FGGY: variants seen among roughly 807,000 people sequenced by gnomAD.
FGGY encodes the protein FGGY carbohydrate kinase domain-containing protein.
FGGY carries 72 observed loss-of-function variants against 71.3 expected under a neutral mutation model. The observed-to-expected ratio is 1.01, with a 90% confidence interval of 0.84 to 1.23. FGGY has a LOEUF of 1.23. Ranked by LOEUF, FGGY falls within the 50% of genes most tolerant of loss-of-function variation. FGGY has a pLI of 0.00. For missense variants in FGGY, 668 were observed against 682.3 expected (o/e 0.98, Z 0.23); for synonymous variants, 251 against 250.3 (o/e 1.00, Z -0.02).
intron 7 of FGGY, among the ~76,000 whole-genome samples, chr1:59,533,296 G>A (rs545850989): frequency 3.9e-5 from 6 of 152,170 alleles, no homozygotes; most frequent in African/African-American, 1.4e-4. Context: ...CTTTTCCGAC[G>A]GGCTTAAAAA....
chr1:59,762,288 G>C (rs1310022012), intron 15 of FGGY, among the ~76,000 whole-genome samples: 1 of 152,052 alleles, frequency 6.6e-6, no homozygotes, highest in African/African-American at 2.4e-5. Flanking sequence ...GGGTTTAAAT[G>C]TTCTTATTTC....
intron 14 of FGGY, among the ~76,000 whole-genome samples, chr1:59,695,644 T>TACATGTAG (rs2097651016): frequency 1.3e-5 from 2 of 152,160 alleles, no homozygotes; most frequent in Admixed American, 1.3e-4. Flanking sequence ...AGATAAGTGG[T>TACATGTAG]TTCCCAACCC....
intron 8 of FGGY, among the ~76,000 whole-genome samples, chr1:59,584,128 A>G (rs1488794044): frequency 2.0e-5 from 3 of 149,890 alleles, no homozygotes; most frequent in African/African-American, 5.1e-5. Flanking sequence ...TATTCCAGCC[A>G]ATAGAAAAAG....
intron 13 of FGGY, 174 bp from the exon 14 acceptor site, chr1:59,673,865 A>C: frequency 1.7e-6 from 1 of 578,502 alleles, no homozygotes; most frequent in Non-Finnish European, 3.1e-6. Flanking sequence ...CAGGCAGTGA[A>C]ATCTTTTAGA....
intron 9 of FGGY, among the ~76,000 whole-genome samples, chr1:59,621,483 A>G (rs2096806802): frequency 6.8e-6 from 1 of 146,716 alleles, no homozygotes; most frequent in African/African-American, 2.6e-5. Flanking sequence ...AAAAAAAAGA[A>G]CTTGTCTTAG....
Position 59,762,566 on chromosome 1 carries a change from G to C in FGGY, c.1638G>C (p.Ala546=). ...KLVEHQKEYL[A]IMNDD ...TTGAACACCAGAAGGAGTATTTGGC[G>C]ATCATGAATGATGACTGAACAGGGC... Residue 546 remains alanine, a synonymous_variant, in exon 16 of 16, where the codon GCG becomes GCC. Coordinates refer to ENST00000303721, the MANE Select transcript of FGGY (RefSeq NM_018291.5). 1.2e-6 allele frequency: 2 copies of C among 1,613,718 alleles called. No individual in the cohort carries two copies. Among genetic ancestry groups the C allele is most frequent in the Non-Finnish European group, 1.7e-6 (2 of 1,179,756 alleles).
intron 9 of FGGY, among the ~76,000 whole-genome samples, chr1:59,614,438 A>C (rs866653366): frequency 3.2e-4 from 48 of 152,208 alleles, no homozygotes; most frequent in African/African-American, 1.1e-3. Flanking sequence ...GCCTTTGACA[A>C]AATTCAACAA....
intron 9 of FGGY, among the ~76,000 whole-genome samples, chr1:59,616,187 T>G (rs751969528): frequency 2.0e-5 from 3 of 152,228 alleles, no homozygotes; most frequent in African/African-American, 4.8e-5. Flanking sequence ...CATGCACACG[T>G]ATGTTTATTG....
At chr1:59,369,100 C>T (rs1327586169) in intron 4 of FGGY, among the ~76,000 whole-genome samples, 1 of 152,186 alleles carries the variant, frequency 6.6e-6, no homozygotes, top group East Asian at 1.9e-4. Context: ...CAAGCCGAAG[C>T]AGGGCGAGGC....
intron 14 of FGGY, among the ~76,000 whole-genome samples, chr1:59,690,850 C>T (rs1189520867): frequency 2.0e-5 from 3 of 152,232 alleles, no homozygotes; most frequent in African/African-American, 7.2e-5. Context: ...TCTCCAGAAA[C>T]AACTTTACTT....
chr1:59,631,612 G>A (rs960945324), intron 10 of FGGY, among the ~76,000 whole-genome samples: 6 of 152,100 alleles, frequency 3.9e-5, no homozygotes, highest in Non-Finnish European at 8.8e-5. Context: ...CTATGACTTG[G>A]GGCTTTCTGA....
intron 11 of FGGY, among the ~76,000 whole-genome samples, chr1:59,648,777 G>T (rs939799681): frequency 3.3e-5 from 5 of 151,890 alleles, no homozygotes; most frequent in African/African-American, 9.7e-5. Flanking sequence ...GTCAATTTTG[G>T]CTTTTGTTGC....
intron 5 of FGGY, among the ~76,000 whole-genome samples, chr1:59,452,120 C>G (rs1324776361): frequency 6.6e-6 from 1 of 150,448 alleles, no homozygotes; most frequent in Non-Finnish European, 1.5e-5. Context: ...CTAAAAAACA[C>G]AAAATCTGTT....
intron 7 of FGGY, among the ~76,000 whole-genome samples, chr1:59,516,806 G>T (rs1417096110): frequency 6.6e-6 from 1 of 152,148 alleles, no homozygotes; most frequent in African/African-American, 2.4e-5. Flanking sequence ...TGCTGACCTG[G>T]CATGGCCTGC....
chr1:59,452,295 A>G (rs921458746), intron 5 of FGGY, among the ~76,000 whole-genome samples: 5 of 152,162 alleles, frequency 3.3e-5, no homozygotes, highest in African/African-American at 1.2e-4. Context: ...GTAAATTAAG[A>G]TAAAGATAAA....
chr1:59,692,066 T>A (rs1274580443), intron 14 of FGGY, among the ~76,000 whole-genome samples: 1 of 152,192 alleles, frequency 6.6e-6, no homozygotes, highest in Admixed American at 6.5e-5. Flanking sequence ...TGATCACCTC[T>A]GCAGTTGACT....
intron 4 of FGGY, among the ~76,000 whole-genome samples, chr1:59,377,603 C>A (rs2058826382): frequency 6.6e-6 from 1 of 152,148 alleles, no homozygotes; most frequent in African/African-American, 2.4e-5. Context: ...GAAGACACAG[C>A]CAAACCATAT....
chr1:59,428,071 G>A (rs937137567), intron 5 of FGGY, among the ~76,000 whole-genome samples: 2 of 152,224 alleles, frequency 1.3e-5, no homozygotes, highest in African/African-American at 4.8e-5. Context: ...TATTTGCCAA[G>A]TGTGTGACAG....
At chr1:59,709,834 C>T (rs2097781710) in intron 14 of FGGY, among the ~76,000 whole-genome samples, 1 of 152,238 alleles carries the variant, frequency 6.6e-6, no homozygotes, top group South Asian at 2.1e-4. Context: ...CAACCTATGG[C>T]TGACAGGTGA....
Sources: gnomAD v4.1 joint callset for allele counts (sites outside exome capture counted in the v4.1 genomes callset) on GRCh38, gnomAD v4.1.1 for gene constraint, MANE v1.5 for transcripts, NCBI Gene and HGNC (gene_info 2026-07-23, HGNC 2026-07-21) for gene names.